Variants in SELENOP observed in about 807,000 individuals in gnomAD.
SELENOP encodes selenoprotein P, plasma, 1.
A neutral mutation model predicts 41.0 loss-of-function variants in SELENOP; 36 were observed. The observed-to-expected ratio is 0.88, with a 90% CI of 0.67 to 1.16. The LOEUF (loss-of-function observed/expected upper bound fraction) is 1.16, where lower values mean the gene tolerates loss of function less well. SELENOP is among the 50% of genes most tolerant of loss of function. The pLI, the probability that SELENOP is intolerant of heterozygous loss-of-function variation, is 0.00. For synonymous variants in SELENOP, 144 were observed against 150.8 expected, an observed-to-expected ratio of 0.95 and a Z score of 0.33; for missense variants, 440 against 454.2, an observed-to-expected ratio of 0.97 and a Z score of 0.28.
chr5:42,802,634 C>T (rs1021040201), intron 4 of SELENOP, among the ~76,000 whole-genome samples: 2 of 152,046 alleles, frequency 1.3e-5, no homozygotes, highest in African/African-American at 4.8e-5. Context: ...TATTTAGTGA[C>T]GGAGTCTCAC....
rs375229259 is a variant in SELENOP, at chr5:42,808,896, G to A, written c.-13-530C>T. On this transcript the variant is annotated intron_variant, in intron 1 of 4. Transcript: ENST00000514985. Reference sequence around the variant, plus strand: ...GATCGCGCCCCTGCACTCCAGCCTGGGCGACAGAACGAGACTCTGTCTCAA... The same window carrying A: ...GATCGCGCCCCTGCACTCCAGCCTGAGCGACAGAACGAGACTCTGTCTCAA... Among the ~76,000 whole-genome samples the A allele has an allele frequency of 1.3e-3, 194 of 151,100 alleles. 1 individual carries two copies. Among genetic ancestry groups the A allele is most frequent in the African/African-American group, 4.4e-3 (181 of 41,238 alleles).
chr5:42,808,691 G>A lies in SELENOP; in HGVS notation c.-13-325C>T, dbSNP rs373014183. 5.3e-5 allele frequency among the ~76,000 whole-genome samples: 8 copies of A among 151,164 alleles called. No individual in the cohort carries two copies. The South Asian group carries it at 8.4e-4, about 16-fold the overall frequency. On this transcript the variant is annotated intron_variant, in intron 1 of 4. Transcript: ENST00000514985. Reference sequence around the variant, plus strand: ...TGGGAGGCCGAGGCTGGCAGATCACGATGTCAGGAGATCGAGACCATCCTG... The same window carrying A: ...TGGGAGGCCGAGGCTGGCAGATCACAATGTCAGGAGATCGAGACCATCCTG...
Position 42,806,942 on chromosome 5 carries a change from A to G in SELENOP, c.370T>C (p.Trp124Arg). Residue 124 changes from tryptophan (W) to arginine (R), a missense_variant, in exon 3 of 5, where the codon TGG becomes CGG. Physicochemically the swap from Trp to Arg is moderately radical, Grantham distance 101. Coordinates refer to ENST00000514985, the MANE Select transcript of SELENOP (RefSeq NM_005410.4). ...TCTTTGCTTCCATTTAAAAGAGTCC[A>G]GACATCTGTTTGGTTTTCTTCTTGT... The part of the protein sequence containing the change: ...YQQEENQTDV[W>R]TLLNGSKDDF... The G allele has an allele frequency of 6.2e-7, 1 of 1,612,244 alleles. No homozygotes were observed. Among genetic ancestry groups the G allele is most frequent in the South Asian group, 1.1e-5 (1 of 90,920 alleles).
rs149096097 is a variant in SELENOP, at chr5:42,809,041, C to A, written c.-13-675G>T. On this transcript the variant is annotated intron_variant, in intron 1 of 4. Transcript: ENST00000514985. ...AGATGATGGCAGAAAAGACAGTATA[C>A]CAACATGAATGTGGCTCATGTCGGG... Among the ~76,000 whole-genome samples, 28 of 152,156 alleles carry A rather than the reference C, an allele frequency of 1.8e-4. No individual in the cohort carries two copies. In the East Asian group the frequency reaches 3.3e-3, roughly 18 times the overall value.
chr5:42,807,070 T>C lies in SELENOP; in HGVS notation c.242A>G (p.Tyr81Cys), dbSNP rs770296055. 1 of 1,539,746 alleles carries C rather than the reference T, an allele frequency of 6.5e-7. No homozygotes were observed. Among genetic ancestry groups the C allele is most frequent in the Admixed American group, 1.7e-5 (1 of 59,146 alleles). Residue 81 changes from tyrosine to cysteine, a missense_variant, in exon 3 of 5, where the codon TAT (tyrosine) becomes TGT (cysteine). Physicochemically the swap from Tyr to Cys is radical, Grantham distance 194 (BLOSUM62 -2). Coordinates refer to ENST00000514985, the MANE Select transcript of SELENOP (RefSeq NM_005410.4). The part of the protein sequence containing the change: ...DLRVKLKKEG[Y>C]SNISYIVVNH... ...AACAACAATATAAGAAATATTAGAATATCCTTCTTTCTTCAGTTTTACTCG... is the reference window on the plus strand; with the variant it reads ...AACAACAATATAAGAAATATTAGAACATCCTTCTTTCTTCAGTTTTACTCG...
rs230817 is a variant in SELENOP at position 42,803,463 on chromosome 5, T to A, written c.534+1193A>T. On this transcript the variant is annotated intron_variant, in intron 4 of 4. Coordinates refer to ENST00000514985, the MANE Select transcript of SELENOP (RefSeq NM_005410.4). ...CAAAAGATCATTATAAAGATTAAAATGTGAAAATTACATAACTAGAGTAAG... is the reference window on the plus strand; with the variant it reads ...CAAAAGATCATTATAAAGATTAAAAAGTGAAAATTACATAACTAGAGTAAG... Among the ~76,000 whole-genome samples, 318 of 152,258 alleles carry A rather than the reference T, an allele frequency of 2.1e-3. 2 individuals carry two copies. Among genetic ancestry groups the A allele is most frequent in the African/African-American group, 7.2e-3 (301 of 41,550 alleles).
In SELENOP at chr5:42,799,953, T is replaced by TA. The variant is rs28919927; in HGVS notation, c.*766dup. The TA allele has an allele frequency of 0.26, 181,702 of 703,064 alleles. 25,190 individuals carry two copies. Among genetic ancestry groups the TA allele is most frequent in the Admixed American group, 0.37 (11,383 of 30,684 alleles). The allele number at this position is 703,064 out of a possible 1,614,324, so 43.6% of individuals were successfully genotyped here. A position where few individuals can be genotyped will look rare whatever the true frequency, so the allele number is the denominator to read the frequency against. ...TCCAATTCTGTACTGCATTCTTGCT[T>TA]AATAGTATTAACCATAAAGGAGGTC... On this transcript the variant is annotated 3_prime_UTR_variant, in exon 5 of 5. Coordinates refer to ENST00000514985, the MANE Select transcript of SELENOP (RefSeq NM_005410.4).
intron 3 of SELENOP, chr5:42,805,071 C>T (rs1760302635): frequency 5.4e-6 from 1 of 183,534 alleles, no homozygotes; most frequent in South Asian, 1.9e-4. Context: ...TTGTGACTGA[C>T]TTATAAATTC....
At chr5:42,807,952 A>AACC in intron 2 of SELENOP, 199 bp downstream of exon 2, 1 of 353,684 alleles carries the variant, frequency 2.8e-6, no homozygotes, top group Non-Finnish European at 5.0e-6. Flanking sequence ...AAATTTCCAT[A>AACC]ACCCTAGGAA....
intron 1 of SELENOP, among the ~76,000 whole-genome samples, chr5:42,811,151 T>C (rs1232081088): frequency 2.0e-5 from 3 of 152,198 alleles, no homozygotes; most frequent in Non-Finnish European, 4.4e-5. Context: ...AAATTACTCA[T>C]TAAAAAGCAG....
intron 3 of SELENOP, chr5:42,805,633 G>A (rs1463959831): frequency 6.6e-6 from 1 of 152,138 alleles, no homozygotes; most frequent in Non-Finnish European, 1.5e-5. Flanking sequence ...TTACAGTTCA[G>A]AAATTCAGGT....
Position 42,808,131 on chromosome 5 carries a change from C to G in SELENOP, c.203+20G>C. Reference sequence around the variant, plus strand: ...AGCCTTCCCCTTAAGGTATTTTAAGCCACAGAAAGACTGTCTTACTTAGAT... The same window carrying G: ...AGCCTTCCCCTTAAGGTATTTTAAGGCACAGAAAGACTGTCTTACTTAGAT... On this transcript the variant is annotated intron_variant, in intron 2 of 4. Coordinates refer to ENST00000514985, the MANE Select transcript of SELENOP (RefSeq NM_005410.4). The G allele has an allele frequency of 7.3e-7, 1 of 1,368,974 alleles. No individual in the cohort carries two copies. The highest frequency in any genetic ancestry group is 9.7e-7 in the Non-Finnish European group (1 of 1,027,156). 84.8% of individuals were successfully genotyped at this position (1,368,974 alleles called of 1,614,324 possible).
intron 2 of SELENOP, chr5:42,807,599 C>T (rs1376238126): frequency 6.4e-6 from 1 of 155,616 alleles, no homozygotes; most frequent in Non-Finnish European, 1.4e-5. Context: ...ATAGGTTATA[C>T]ATGCCATTTT....
intron 1 of SELENOP, among the ~76,000 whole-genome samples, chr5:42,811,147 C>G (rs1760450092): frequency 6.6e-6 from 1 of 152,158 alleles, no homozygotes; most frequent in African/African-American, 2.4e-5. Context: ...TTTAAAATTA[C>G]TCATTAAAAA....
intron 1 of SELENOP, among the ~76,000 whole-genome samples, chr5:42,809,033 A>G (rs1177239668): frequency 6.6e-6 from 1 of 152,148 alleles, no homozygotes. Context: ...GGCAGAAAAG[A>G]CAGTATACCA....
At chr5:42,811,688 T>C (rs1261078350) in intron 1 of SELENOP, 148 bp downstream of exon 1, 1 of 152,238 alleles carries the variant, frequency 6.6e-6, no homozygotes, top group Non-Finnish European at 1.5e-5. Flanking sequence ...AGACTCTTCT[T>C]ATTCTTTTTC....
intron 1 of SELENOP, among the ~76,000 whole-genome samples, chr5:42,810,453 C>T (rs916182082): frequency 6.6e-6 from 1 of 151,880 alleles, no homozygotes; most frequent in Non-Finnish European, 1.5e-5. Context: ...ATTTATTTAT[C>T]TATTTATTTA....
Position 42,801,249 on chromosome 5 carries a change from T to A in SELENOP, c.617A>T (p.His206Leu), listed in dbSNP as rs1281568909. 1 of 1,614,060 alleles carries A rather than the reference T, an allele frequency of 6.2e-7. No homozygotes were observed. ...KTVETPSPHY[H>L]HEHHHNHGHQ... ...TCCATGATTGTGATGATGCTCATGA[T>A]GGTAATGAGGCGATGGAGTTTCAAC... Residue 206 changes from histidine to leucine, a missense_variant, in exon 5 of 5, where the codon CAT (histidine) becomes CTT (leucine). By Grantham distance (99) the His-to-Leu change is moderately conservative. Coordinates refer to ENST00000514985, the MANE Select transcript of SELENOP (RefSeq NM_005410.4).
chr5:42,810,096 G>C (rs1005785205), intron 1 of SELENOP, among the ~76,000 whole-genome samples: 1 of 152,080 alleles, frequency 6.6e-6, no homozygotes, highest in Non-Finnish European at 1.5e-5. Context: ...TTTTGCAGTT[G>C]AGAAAAACCA....
Sources: allele counts gnomAD v4.1 joint callset (sites outside exome capture counted in the v4.1 genomes callset), GRCh38; gene constraint gnomAD v4.1.1; transcripts MANE v1.5; gene names NCBI Gene and HGNC (gene_info 2026-07-23, HGNC 2026-07-21).